Variants in CNTNAP2 observed in about 807,000 individuals in gnomAD.
CNTNAP2 encodes contactin-associated protein-like 2.
Under a neutral mutation model 155.2 loss-of-function variants are expected in CNTNAP2, and 98 were observed. That is an observed-to-expected ratio of 0.63 (90% CI 0.54 to 0.75). CNTNAP2 has a LOEUF of 0.75. CNTNAP2 is among the 30% of genes least tolerant of loss of function. The pLI, the probability that CNTNAP2 is intolerant of heterozygous loss-of-function variation, is 0.00. For synonymous variants in CNTNAP2, 651 were observed against 631.2 expected (o/e 1.03, Z -0.47); for missense variants, 1,727 against 1,688.1 (o/e 1.02, Z -0.40).
At chr7:146,605,075 A>T (rs576877945) in intron 1 of CNTNAP2, among the ~76,000 whole-genome samples, 45 of 124,046 alleles carry the variant, frequency 3.6e-4, no homozygotes, top group South Asian at 1.3e-3. Context: ...AAAGTATAAT[A>T]AAAAAAAACA....
At chr7:147,061,074 T>A (rs1273062114) in intron 4 of CNTNAP2, among the ~76,000 whole-genome samples, 1 of 152,062 alleles carries the variant, frequency 6.6e-6, no homozygotes, top group Non-Finnish European at 1.5e-5. Context: ...TCTAAAATAG[T>A]CACATTGATA....
At chr7:146,804,407 CTG>C (rs1392486307) in intron 2 of CNTNAP2, among the ~76,000 whole-genome samples, 3 of 152,158 alleles carry the variant, frequency 2.0e-5, no homozygotes, top group Non-Finnish European at 4.4e-5. Context: ...TTGCTAAACT[CTG>C]TGGTTGGTTT....
chr7:146,588,006 ATG>A (rs370352120), intron 1 of CNTNAP2, among the ~76,000 whole-genome samples: 13,528 of 148,788 alleles, frequency 0.091, 1,703 homozygotes, highest in African/African-American at 0.29. Flanking sequence ...CCGTGTGTGT[ATG>A]TGTGTGTGTG....
chr7:148,221,022 G>A (rs1426842172), intron 19 of CNTNAP2, among the ~76,000 whole-genome samples: 7 of 152,064 alleles, frequency 4.6e-5, no homozygotes, highest in Middle Eastern at 3.4e-3. Flanking sequence ...TCTGCTCCTC[G>A]AGTCACTGCC....
chr7:146,834,110 A>G (rs969968990), intron 2 of CNTNAP2, among the ~76,000 whole-genome samples: 1 of 152,030 alleles, frequency 6.6e-6, no homozygotes, highest in Non-Finnish European at 1.5e-5. Context: ...TTTTTGCTAA[A>G]TTAGAATCCA....
At chr7:147,648,880 C>T (rs1795408447) in intron 13 of CNTNAP2, among the ~76,000 whole-genome samples, 1 of 152,166 alleles carries the variant, frequency 6.6e-6, no homozygotes, top group African/African-American at 2.4e-5. Flanking sequence ...CTTTCTGACA[C>T]ACTGAAGAAA....
In CNTNAP2 at chr7:148,366,148, GCATGTA is replaced by G; in HGVS notation, c.3476-17500_3476-17495del. On this transcript the variant is annotated intron_variant, in intron 21 of 23. Coordinates refer to ENST00000361727, the MANE Select transcript of CNTNAP2 (RefSeq NM_014141.6). ...TATGCATGTATGCATGTATGTGTAT[GCATGTA>G]TGCATGTATGTGTGTGCATGTATAC... 3.2e-5 allele frequency among the ~76,000 whole-genome samples: 2 copies of G among 62,762 alleles called. 1 individual carries two copies. The highest frequency in any genetic ancestry group is 1.2e-4 in the African/African-American group (2 of 16,968). 41.2% of individuals were successfully genotyped at this position (62,762 alleles called of 152,430 possible). A position where few individuals can be genotyped will look rare whatever the true frequency, so the allele number is the denominator to read the frequency against.
At chr7:146,437,058 G>T (rs755219021) in intron 1 of CNTNAP2, among the ~76,000 whole-genome samples, 1 of 151,470 alleles carries the variant, frequency 6.6e-6, no homozygotes, top group East Asian at 1.9e-4. Flanking sequence ...GCGGTGGCAA[G>T]TGAGCATTAC....
intron 15 of CNTNAP2, among the ~76,000 whole-genome samples, chr7:147,981,422 A>G (rs1801527596): frequency 6.6e-6 from 1 of 152,238 alleles, no homozygotes; most frequent in East Asian, 1.9e-4. Flanking sequence ...TGCTGTTTAT[A>G]GAGATGAACT....
intron 18 of CNTNAP2, among the ~76,000 whole-genome samples, chr7:148,185,421 A>G (rs1795102057): frequency 6.6e-6 from 1 of 152,214 alleles, no homozygotes; most frequent in African/African-American, 2.4e-5. Context: ...TGGTTCCTTG[A>G]GTATCTTATA....
chr7:148,029,013 T>A (rs1644956482), intron 15 of CNTNAP2, among the ~76,000 whole-genome samples: 1 of 152,196 alleles, frequency 6.6e-6, no homozygotes, highest in Non-Finnish European at 1.5e-5. Flanking sequence ...GTACAAAATT[T>A]CCATTTTTCA....
rs1441804820 is a variant in CNTNAP2, at chr7:148,365,843, CAT to C, written c.3476-17805_3476-17804del. On this transcript the variant is annotated intron_variant, in intron 21 of 23. Coordinates refer to ENST00000361727, the MANE Select transcript of CNTNAP2 (RefSeq NM_014141.6). ...ATGCATGTGTATGCATGTATACATG[CAT>C]GTGTATGCATGTATACATGTATGTG... Among the ~76,000 whole-genome samples, 51 of 10,178 alleles carry C rather than the reference CAT, an allele frequency of 5.0e-3. 24 individuals are homozygous for C. Among genetic ancestry groups the C allele is most frequent in the African/African-American group, 0.021 (49 of 2,302 alleles). 6.7% of individuals were successfully genotyped at this position (10,178 alleles called of 152,430 possible).
intron 10 of CNTNAP2, among the ~76,000 whole-genome samples, chr7:147,464,546 G>A (rs539992897): frequency 1.3e-5 from 2 of 151,004 alleles, no homozygotes; most frequent in Admixed American, 6.6e-5. Flanking sequence ...GTGACCTTGA[G>A]CACTCTTAAT....
chr7:147,790,633 G>T (rs966733319), intron 13 of CNTNAP2, among the ~76,000 whole-genome samples: 1 of 152,172 alleles, frequency 6.6e-6, no homozygotes, highest in African/African-American at 2.4e-5. Flanking sequence ...CAGTTGTTTA[G>T]ATGCTATTCT....
chr7:146,933,973 A>T (rs1796848949), intron 3 of CNTNAP2, among the ~76,000 whole-genome samples: 1 of 152,122 alleles, frequency 6.6e-6, no homozygotes, highest in African/African-American at 2.4e-5. Context: ...AGAAATAGGA[A>T]CACTTTTACA....
intron 1 of CNTNAP2, among the ~76,000 whole-genome samples, chr7:146,570,167 G>A (rs112179709): frequency 6.0e-4 from 91 of 152,036 alleles, no homozygotes; most frequent in African/African-American, 2.1e-3. Context: ...AAAATTCCAT[G>A]ATGAAACCTG....
chr7:147,428,602 T>C (rs1797418155), intron 10 of CNTNAP2, among the ~76,000 whole-genome samples: 1 of 152,182 alleles, frequency 6.6e-6, no homozygotes, highest in Admixed American at 6.5e-5. Context: ...AGTTACCACT[T>C]TCTTTTACAT....
intron 1 of CNTNAP2, among the ~76,000 whole-genome samples, chr7:146,202,260 A>G (rs73739533): frequency 2.0e-5 from 3 of 152,216 alleles, no homozygotes; most frequent in Middle Eastern, 3.4e-3. Context: ...AGAGTTTTTT[A>G]CTGGTCTCTA....
intron 1 of CNTNAP2, among the ~76,000 whole-genome samples, chr7:146,459,122 T>C (rs542162664): frequency 3.3e-5 from 5 of 152,292 alleles, no homozygotes; most frequent in African/African-American, 1.2e-4. Context: ...TACCATGTAA[T>C]GGAGAAATCA....
Sources: gnomAD v4.1 joint callset for allele counts (sites outside exome capture counted in the v4.1 genomes callset) on GRCh38, gnomAD v4.1.1 for gene constraint, MANE v1.5 for transcripts, NCBI Gene and HGNC (gene_info 2026-07-23, HGNC 2026-07-21) for gene names.